Variants in DLGAP2 observed in about 807,000 individuals in gnomAD.
DLGAP2 encodes the protein disks large-associated protein 2.
In DLGAP2, 26 loss-of-function variants were observed where a neutral mutation model predicts 100.3. That is an observed-to-expected ratio of 0.26 (90% CI 0.19 to 0.36). The LOEUF is 0.36. Ranked by LOEUF, DLGAP2 falls within the 10% of genes least tolerant of loss-of-function variation. DLGAP2 has a pLI of 1.00. For synonymous variants in DLGAP2, 886 were observed against 630.1 expected (o/e 1.41, Z -6.08); for missense variants, 1,858 against 1,453.2 (o/e 1.28, Z -4.53).
chr8:1,697,929 A>T (rs1213584930), intron 14 of DLGAP2, among the ~76,000 whole-genome samples: 1 of 152,280 alleles, frequency 6.6e-6, no homozygotes, highest in Non-Finnish European at 1.5e-5. Flanking sequence ...CTGAGTTAGC[A>T]GCAAAGACAT....
At chr8:1,323,190 C>A (rs755473941) in intron 3 of DLGAP2, among the ~76,000 whole-genome samples, 3 of 152,080 alleles carry the variant, frequency 2.0e-5, no homozygotes, top group Middle Eastern at 6.9e-3. Context: ...CCTCCACGCC[C>A]GGCTTACTTT....
intron 2 of DLGAP2, among the ~76,000 whole-genome samples, chr8:1,063,374 G>A (rs142925371): frequency 1.3e-5 from 2 of 152,240 alleles, no homozygotes; most frequent in African/African-American, 4.8e-5. Context: ...TGCGATCCCC[G>A]AGGTCTCGGG....
chr8:1,217,017 T>A (rs570401342), intron 2 of DLGAP2, among the ~76,000 whole-genome samples: 1 of 152,260 alleles, frequency 6.6e-6, no homozygotes, highest in South Asian at 2.1e-4. Context: ...CATGGATAAA[T>A]TGCCTAGCTG....
At chr8:1,669,820 A>T (rs769413820) in intron 10 of DLGAP2, 36 bp downstream of exon 10, 1 of 780,752 alleles carries the variant, frequency 1.3e-6, no homozygotes, top group Non-Finnish European at 2.4e-6. Context: ...CCGCGTCCGC[A>T]TGACTTTCAT....
intron 3 of DLGAP2, among the ~76,000 whole-genome samples, chr8:1,364,112 C>A (rs1802050380): frequency 6.6e-6 from 1 of 152,176 alleles, no homozygotes. Flanking sequence ...CAGCTCTCGG[C>A]CCCACCCACC....
intron 2 of DLGAP2, among the ~76,000 whole-genome samples, chr8:982,802 T>C (rs190862713): frequency 1.2e-4 from 18 of 151,078 alleles, no homozygotes; most frequent in African/African-American, 4.2e-4. Context: ...CCACAGTTGG[T>C]CCGTTTATAC....
At chr8:918,412 A>G (rs1399685992) in intron 2 of DLGAP2, among the ~76,000 whole-genome samples, 1 of 152,220 alleles carries the variant, frequency 6.6e-6, no homozygotes, top group Admixed American at 6.5e-5. Context: ...ATGGGCTTTT[A>G]TAACCATGCA....
At chr8:1,006,584 C>G (rs1415231316) in intron 2 of DLGAP2, among the ~76,000 whole-genome samples, 2 of 49,098 alleles carry the variant, frequency 4.1e-5, no homozygotes, top group Non-Finnish European at 8.1e-5. Context: ...CGGGGGCGCC[C>G]TGCGTCTCAA....
At chr8:1,557,490 A>G (rs986302387) in intron 5 of DLGAP2, among the ~76,000 whole-genome samples, 1 of 152,060 alleles carries the variant, frequency 6.6e-6, no homozygotes, top group Non-Finnish European at 1.5e-5. Flanking sequence ...GTCTCGGCCG[A>G]TTCTGAGAGA....
chr8:1,495,722 G>T (rs1235944403), intron 3 of DLGAP2, among the ~76,000 whole-genome samples: 1 of 151,512 alleles, frequency 6.6e-6, no homozygotes, highest in Non-Finnish European at 1.5e-5. Flanking sequence ...CTCGCAGGCA[G>T]CTCCAGCTCG....
chr8:1,275,884 AATATATAATATATAAAT>A (rs1563056379), intron 3 of DLGAP2, among the ~76,000 whole-genome samples: 1 of 37,530 alleles, frequency 2.7e-5, no homozygotes, highest in African/African-American at 1.3e-4. Context: ...TATATAAATA[AATATATAATATATAAAT>A]ATATATAATA....
intron 2 of DLGAP2, among the ~76,000 whole-genome samples, chr8:994,417 C>G (rs1584955506): frequency 1.3e-5 from 2 of 152,252 alleles, no homozygotes; most frequent in South Asian, 4.1e-4. Context: ...TCAGGCTGGT[C>G]TCGAACTCCC....
intron 3 of DLGAP2, among the ~76,000 whole-genome samples, chr8:1,392,059 G>A (rs966898029): frequency 6.6e-6 from 1 of 152,206 alleles, no homozygotes; most frequent in African/African-American, 2.4e-5. Flanking sequence ...GATGCTGTAG[G>A]ATCTTTCAGA....
chr8:1,392,707 G>A (rs531857204), intron 3 of DLGAP2, among the ~76,000 whole-genome samples: 1 of 152,334 alleles, frequency 6.6e-6, no homozygotes, highest in African/African-American at 2.4e-5. Flanking sequence ...CAGCACATCT[G>A]CGTTTCAGTG....
intron 3 of DLGAP2, among the ~76,000 whole-genome samples, chr8:1,316,078 C>A (rs111538852): frequency 2.2e-4 from 29 of 133,276 alleles, no homozygotes; most frequent in African/African-American, 2.9e-4. Context: ...TGCAGCGTCT[C>A]TCCCACAGTG....
chr8:1,368,280 ATGTG>A (rs996154219), intron 3 of DLGAP2, among the ~76,000 whole-genome samples: 17 of 151,104 alleles, frequency 1.1e-4, no homozygotes, highest in African/African-American at 3.2e-4. Context: ...GTATGTGTGT[ATGTG>A]TGTGTATTAT....
At chr8:805,482 G>A (rs1461934148) in intron 1 of DLGAP2, among the ~76,000 whole-genome samples, 1 of 152,068 alleles carries the variant, frequency 6.6e-6, no homozygotes, top group East Asian at 1.9e-4. Flanking sequence ...TGAAAATAAA[G>A]CCCACACCCA....
intron 1 of DLGAP2, among the ~76,000 whole-genome samples, chr8:760,598 G>T (rs951548251): frequency 6.6e-6 from 1 of 152,190 alleles, no homozygotes; most frequent in South Asian, 2.1e-4. Context: ...CTTTAACTCA[G>T]TGTTGTTGCT....
chr8:1,680,458 T>C (rs1206111430), intron 12 of DLGAP2: 1 of 152,250 alleles, frequency 6.6e-6, no homozygotes, highest in Non-Finnish European at 1.5e-5. Flanking sequence ...GGTCTGAACC[T>C]ATGAAGAAAG....
Sources: gnomAD v4.1 joint callset for allele counts (sites outside exome capture counted in the v4.1 genomes callset) on GRCh38, gnomAD v4.1.1 for gene constraint, MANE v1.5 for transcripts, NCBI Gene and HGNC (gene_info 2026-07-23, HGNC 2026-07-21) for gene names.